Variants in MAPKAP1 observed in about 807,000 individuals in gnomAD.
MAPKAP1 encodes MAPK associated protein 1.
In MAPKAP1, 20 loss-of-function variants were observed where a neutral mutation model predicts 65.7. That is an observed-to-expected ratio of 0.30 (90% CI 0.21 to 0.44). The LOEUF is 0.44. Ranked by LOEUF, MAPKAP1 falls within the 20% of genes least tolerant of loss-of-function variation. The pLI is 1.00. For missense variants in MAPKAP1, 423 were observed against 648.0 expected (o/e 0.65, Z 3.77); for synonymous variants, 222 against 244.3 (o/e 0.91, Z 0.85).
chr9:125,686,272 A>C (rs1158449667), intron 1 of MAPKAP1, among the ~76,000 whole-genome samples: 1 of 151,124 alleles, frequency 6.6e-6, no homozygotes, highest in African/African-American at 2.4e-5. Flanking sequence ...AGATAGAGCC[A>C]CTGCACTCCA....
intron 5 of MAPKAP1, among the ~76,000 whole-genome samples, chr9:125,568,163 A>T (rs1471447167): frequency 6.6e-6 from 1 of 151,972 alleles, no homozygotes; most frequent in Non-Finnish European, 1.5e-5. Flanking sequence ...CCAACTTAGG[A>T]GGGTTAAAGT....
chr9:125,441,752 G>A (rs10986757), intron 11 of MAPKAP1, among the ~76,000 whole-genome samples: 3,072 of 152,234 alleles, frequency 0.02, 166 homozygotes, highest in East Asian at 0.14. Flanking sequence ...TCCGTTGCTT[G>A]GTACTGGTGC....
At chr9:125,626,471 T>C (rs1833123241) in intron 4 of MAPKAP1, among the ~76,000 whole-genome samples, 1 of 152,222 alleles carries the variant, frequency 6.6e-6, no homozygotes, top group Admixed American at 6.5e-5. Flanking sequence ...TGTTTAGACC[T>C]ACACTGTCCA....
At chr9:125,623,093 CAGTGCTCAAT>C (rs913962005) in intron 4 of MAPKAP1, among the ~76,000 whole-genome samples, 3 of 149,450 alleles carry the variant, frequency 2.0e-5, no homozygotes, top group African/African-American at 7.4e-5. Flanking sequence ...CTCGTTCACT[CAGTGCTCAAT>C]GGTGCCCAGG....
intron 4 of MAPKAP1, among the ~76,000 whole-genome samples, chr9:125,628,203 A>G (rs770405112): frequency 3.9e-5 from 6 of 152,188 alleles, no homozygotes; most frequent in Non-Finnish European, 8.8e-5. Flanking sequence ...CTTAAAGGAT[A>G]AACAGCAATT....
At position 125,693,516 on chromosome 9, in the gene MAPKAP1, CACATATAT is replaced by C. The variant is rs1275329302; in HGVS notation, c.-70+13447_-70+13454del. On this transcript the variant is annotated intron_variant, in intron 1 of 11. Coordinates refer to ENST00000265960, the MANE Select transcript of MAPKAP1 (RefSeq NM_001006617.3). ...ATACACACATATATACACATACACA[CACATATAT>C]ACACATATACACACACATATATACA... Among the ~76,000 whole-genome samples, 406 of 128,920 alleles carry C rather than the reference CACATATAT, an allele frequency of 3.1e-3. 4 individuals are homozygous for C. Among genetic ancestry groups the C allele is most frequent in the African/African-American group, 0.013 (384 of 30,014 alleles). 84.6% of individuals were successfully genotyped at this position (128,920 alleles called of 152,430 possible).
At chr9:125,631,491 C>T (rs760622479) in intron 4 of MAPKAP1, among the ~76,000 whole-genome samples, 2 of 152,194 alleles carry the variant, frequency 1.3e-5, no homozygotes, top group Non-Finnish European at 2.9e-5. Context: ...CTAGTCTCTA[C>T]CACCTCCTTG....
intron 10 of MAPKAP1, among the ~76,000 whole-genome samples, chr9:125,460,318 A>G (rs1225502158): frequency 6.6e-6 from 1 of 152,204 alleles, no homozygotes; most frequent in Non-Finnish European, 1.5e-5. Context: ...GAAAAAAAAA[A>G]AAGTTGATAC....
At position 125,447,591 on chromosome 9, in the gene MAPKAP1, G is replaced by T. The variant is rs10986761; in HGVS notation, c.1346-2993C>A. The stretch of plus-strand genomic sequence containing the variant: ...CTGCCCCGAGTTCCCCTCGCTAGCA[G>T]CCCTGTTTCGCTGGGCGGCCAGAAG... On this transcript the variant is annotated intron_variant, in intron 10 of 11. Transcript: ENST00000265960. This position sits in a 1 kb window ranked among gnomAD's most constrained non-coding sequence, Gnocchi z 4.5. The T allele has an allele frequency of 2.4e-6, 1 of 424,748 alleles. No individual in the cohort carries two copies. The highest frequency in any genetic ancestry group is 7.2e-5 in the East Asian group (1 of 13,932). The allele number at this position is 424,748 out of a possible 1,614,324, so 26.3% of individuals were successfully genotyped here.
intron 4 of MAPKAP1, among the ~76,000 whole-genome samples, chr9:125,586,862 A>T (rs1213510639): frequency 6.6e-6 from 1 of 151,864 alleles, no homozygotes; most frequent in Non-Finnish European, 1.5e-5. Flanking sequence ...CACAACAACA[A>T]CCCCTCTTAT....
chr9:125,484,932 A>G (rs1353206521), intron 8 of MAPKAP1, among the ~76,000 whole-genome samples: 1 of 152,050 alleles, frequency 6.6e-6, no homozygotes, highest in Non-Finnish European at 1.5e-5. Flanking sequence ...TTTTTTTTCT[A>G]AATGTGATTT....
intron 9 of MAPKAP1, among the ~76,000 whole-genome samples, chr9:125,483,140 T>G (rs1854378547): frequency 6.6e-6 from 1 of 152,178 alleles, no homozygotes; most frequent in African/African-American, 2.4e-5. Flanking sequence ...GGCCCCGTAC[T>G]CAGTGCTTTA....
rs932336448 is a variant in MAPKAP1 at position 125,540,996 on chromosome 9, T to C, written c.958+2063A>G. On this transcript the variant is annotated intron_variant, in intron 7 of 11. Coordinates refer to ENST00000265960, the MANE Select transcript of MAPKAP1 (RefSeq NM_001006617.3). ...CTTCTGTTTTATGAGACCAGACTTA[T>C]TAAAGCTACAGAAAGAGCTTCTTTT... is the stretch of plus-strand genomic sequence containing the variant. Among the ~76,000 whole-genome samples, 5 of 152,358 alleles carry C rather than the reference T, an allele frequency of 3.3e-5. 1 individual carries two copies. In the South Asian group the frequency reaches 8.3e-4, roughly 25 times the overall value.
chr9:125,484,558 C>T lies in MAPKAP1; in HGVS notation c.1092G>A (p.Glu364=). The T allele has an allele frequency of 6.2e-7, 1 of 1,610,954 alleles. No individual in the cohort carries two copies. Among genetic ancestry groups the T allele is most frequent in the Non-Finnish European group, 8.5e-7 (1 of 1,178,562 alleles). ...TGGCTATGTCAATTTGCGAATCCTCCTCAAAAACCCCGTCTGCCCTTGAAC... is the reference window on the plus strand; with the variant it reads ...TGGCTATGTCAATTTGCGAATCCTCTTCAAAAACCCCGTCTGCCCTTGAAC... ...ENSSRADGVF[E]EDSQIDIATV... The change falls in exon 9 of 12, where the codon GAG becomes GAA. Residue 364 remains glutamate, a synonymous_variant. Transcript: ENST00000265960.
At chr9:125,590,518 T>G (rs1831925454) in intron 4 of MAPKAP1, among the ~76,000 whole-genome samples, 1 of 151,688 alleles carries the variant, frequency 6.6e-6, no homozygotes, top group Non-Finnish European at 1.5e-5. Context: ...GGTGTGGTGG[T>G]GGGAACCTTT....
At chr9:125,696,723 T>C (rs1180790450) in intron 1 of MAPKAP1, among the ~76,000 whole-genome samples, 1 of 152,210 alleles carries the variant, frequency 6.6e-6, no homozygotes, top group African/African-American at 2.4e-5. Context: ...ATCAAATCTT[T>C]TGTTTTACTT....
intron 10 of MAPKAP1, among the ~76,000 whole-genome samples, chr9:125,464,251 A>G (rs1007541872): frequency 1.3e-5 from 2 of 148,448 alleles, no homozygotes; most frequent in Admixed American, 6.7e-5. Flanking sequence ...ATCTAGAGGT[A>G]TATAAGGATG....
At chr9:125,448,316 CTATA>C in intron 10 of MAPKAP1, among the ~76,000 whole-genome samples, 1 of 152,160 alleles carries the variant, frequency 6.6e-6, no homozygotes, top group East Asian at 1.9e-4. Flanking sequence ...AGACCAAGAC[CTATA>C]TATTAAAGTG....
rs988661389 is a variant in MAPKAP1 at position 125,441,761 on chromosome 9, G to A, written c.1443+2740C>T. On this transcript the variant is annotated intron_variant, in intron 11 of 11. Transcript: ENST00000265960. ...TGGGCTTCCGTTGCTTGGTACTGGT[G>A]CAAAGCTCACAAAGACACACTCAGG... Among the ~76,000 whole-genome samples the A allele has an allele frequency of 2.6e-5, 4 of 152,232 alleles. No individual in the cohort carries two copies. In the South Asian group the frequency reaches 8.3e-4, roughly 32 times the overall value.
Sources: gnomAD v4.1 joint callset for allele counts (sites outside exome capture counted in the v4.1 genomes callset) on GRCh38, gnomAD v4.1.1 for gene constraint, Gnocchi (gnomAD v3.1) non-coding constraint, MANE v1.5 for transcripts, NCBI Gene and HGNC (gene_info 2026-07-23, HGNC 2026-07-21) for gene names.